The following SASH1 variants were observed in gnomAD, a reference collection of about 807,000 sequenced individuals.
SASH1 encodes the protein SAM and SH3 domain-containing protein 1.
SASH1 carries 44 observed loss-of-function variants against 125.2 expected under a neutral mutation model. The observed-to-expected ratio is 0.35, with a 90% CI of 0.28 to 0.45. The LOEUF is 0.45. Among genes scored for constraint, SASH1 ranks in the 20% least tolerant of loss-of-function variants. The pLI is 1.00. For missense variants in SASH1, 1,426 were observed against 1,614.5 expected (o/e 0.88, Z 2.00); for synonymous variants, 639 against 649.1 (o/e 0.98, Z 0.24).
At chr6:148,426,689 G>T (rs1333334712) in intron 2 of SASH1, among the ~76,000 whole-genome samples, 1 of 152,148 alleles carries the variant, frequency 6.6e-6, no homozygotes, top group Non-Finnish European at 1.5e-5. Context: ...TGACTTATGG[G>T]CTCAGTAACT....
intron 4 of SASH1, among the ~76,000 whole-genome samples, chr6:148,450,896 A>T (rs1018814074): frequency 6.6e-6 from 1 of 152,168 alleles, no homozygotes; most frequent in African/African-American, 2.4e-5. Flanking sequence ...ACTCTTGGGC[A>T]AGCCACTTGA....
At chr6:148,457,041 A>C (rs115052207) in intron 4 of SASH1, among the ~76,000 whole-genome samples, 2,192 of 150,322 alleles carry the variant, frequency 0.015, 52 homozygotes, top group African/African-American at 0.051. Flanking sequence ...TTTGATAATA[A>C]TTTAGTAATT....
At chr6:148,430,280 T>G (rs1776009426) in intron 2 of SASH1, among the ~76,000 whole-genome samples, 1 of 152,232 alleles carries the variant, frequency 6.6e-6, no homozygotes, top group Non-Finnish European at 1.5e-5. Flanking sequence ...GGGCTTCTTC[T>G]TCTGAAACGT....
chr6:148,538,822 G>A (rs1299513352), intron 16 of SASH1, among the ~76,000 whole-genome samples: 2 of 152,182 alleles, frequency 1.3e-5, no homozygotes, highest in Non-Finnish European at 2.9e-5. Context: ...GGTGGGGGAT[G>A]AAAAGAAAGG....
In SASH1 at chr6:148,416,763, T is replaced by G. The variant is rs146175565; in HGVS notation, c.286-23421T>G. Among the ~76,000 whole-genome samples, 489 of 152,278 alleles carry G rather than the reference T, an allele frequency of 3.2e-3. 4 individuals are homozygous for G. The highest frequency in any genetic ancestry group is 2.6e-3 in the Non-Finnish European group (175 of 68,036). ...TCTGCCCTGGAACACGGGGAATCAT[T>G]AAGTGAGATTCATTACCATTCTTAG... On this transcript the variant is annotated intron_variant, in intron 2 of 19. Transcript: ENST00000367467.
intron 4 of SASH1, among the ~76,000 whole-genome samples, chr6:148,446,103 T>TTTTTTTTTTTTTTTTTTTTTTC (rs1776764024): frequency 4.8e-5 from 1 of 20,688 alleles, no homozygotes. Context: ...TTTTTTTTTT[T>TTTTTTTTTTTTTTTTTTTTTTC]TTTTTTTTTT....
chr6:148,463,487 A>G (rs545328111), intron 4 of SASH1, among the ~76,000 whole-genome samples: 2 of 152,264 alleles, frequency 1.3e-5, no homozygotes, highest in East Asian at 3.9e-4. Flanking sequence ...TTCTAACCAG[A>G]AAGGTAAAGG....
the SASH1 span, among the ~76,000 whole-genome samples, chr6:148,220,685 C>G: frequency 7.0e-4 from 106 of 152,150 alleles, no homozygotes; most frequent in Non-Finnish European, 1.2e-3. Context: ...GAGGCTGAGG[C>G]AGGCAGATTG....
rs1353303821 is a variant in SASH1 at position 148,419,353 on chromosome 6, G to A, written c.286-20831G>A. Among the ~76,000 whole-genome samples, 8 of 152,316 alleles carry A rather than the reference G, an allele frequency of 5.3e-5. No homozygotes were observed. In the East Asian group the frequency reaches 1.2e-3, roughly 22 times the overall value. ...TATAGAATGAATGAAAAATTCAAGT[G>A]TTAGTGCTTTGAATTTGCATACGTT... On this transcript the variant is annotated intron_variant, in intron 2 of 19. Coordinates refer to ENST00000367467, the MANE Select transcript of SASH1 (RefSeq NM_015278.5).
chr6:148,493,266 AT>A (rs1779185401), intron 8 of SASH1, among the ~76,000 whole-genome samples: 1 of 152,188 alleles, frequency 6.6e-6, no homozygotes, highest in Non-Finnish European at 1.5e-5. Context: ...TAAGGTATAT[AT>A]ATGACCCTTG....
At chr6:148,511,815 G>C (rs1456988804) in intron 8 of SASH1, among the ~76,000 whole-genome samples, 1 of 151,804 alleles carries the variant, frequency 6.6e-6, no homozygotes, top group East Asian at 1.9e-4. Context: ...TAAAATTTTT[G>C]TATTAGTTTT....
chr6:148,522,656 C>T lies in SASH1; in HGVS notation c.1210-2635C>T, dbSNP rs370935420. ...GAATTCAACCCCAAAACATGTGTTT[C>T]CAACTGCATGGCCATTCCATTGACT... is the stretch of plus-strand genomic sequence containing the variant. On this transcript the variant is annotated intron_variant, in intron 10 of 19. Coordinates refer to ENST00000367467, the MANE Select transcript of SASH1 (RefSeq NM_015278.5). Among the ~76,000 whole-genome samples the T allele has an allele frequency of 5.1e-4, 78 of 152,340 alleles. 1 individual carries two copies. In the South Asian group the frequency reaches 0.016, roughly 30 times the overall value.
At chr6:148,205,001 T>C in the SASH1 span, among the ~76,000 whole-genome samples, 1 of 152,180 alleles carries the variant, frequency 6.6e-6, no homozygotes, top group African/African-American at 2.4e-5. Flanking sequence ...GATTGGGGTA[T>C]TATCTCTGTC....
At chr6:148,325,266 T>G (rs576171614) in intron 1 of SASH1, among the ~76,000 whole-genome samples, 2 of 151,336 alleles carry the variant, frequency 1.3e-5, no homozygotes, top group Admixed American at 1.3e-4. Context: ...CCTCTTTTGT[T>G]GTTGTTGTTG....
intron 2 of SASH1, among the ~76,000 whole-genome samples, chr6:148,412,852 A>G (rs754856974): frequency 2.0e-5 from 3 of 152,194 alleles, no homozygotes; most frequent in Non-Finnish European, 4.4e-5. Flanking sequence ...ATACAGAGAA[A>G]GGGTCATAGG....
chr6:148,360,198 C>A (rs1286893322), intron 1 of SASH1, among the ~76,000 whole-genome samples: 2 of 152,068 alleles, frequency 1.3e-5, no homozygotes, highest in Non-Finnish European at 2.9e-5. Context: ...GTGGACAGAA[C>A]AAGGGACGTC....
chr6:148,307,205 G>T (rs898251769), intron 1 of SASH1, among the ~76,000 whole-genome samples: 7 of 151,610 alleles, frequency 4.6e-5, no homozygotes, highest in African/African-American at 7.3e-5. Flanking sequence ...TGCAACCTCC[G>T]CCTCCCAGGT....
chr6:148,233,701 C>G, the SASH1 span, among the ~76,000 whole-genome samples: 3 of 130,058 alleles, frequency 2.3e-5, no homozygotes, highest in African/African-American at 9.3e-5. Flanking sequence ...TTGAGACCAG[C>G]TTAGGCAACA....
chr6:148,464,101 C>T (rs190681347), intron 4 of SASH1, among the ~76,000 whole-genome samples: 1 of 152,158 alleles, frequency 6.6e-6, no homozygotes, highest in African/African-American at 2.4e-5. Context: ...GGGATACTGT[C>T]TCTTAAATTA....
Sources: allele counts gnomAD v4.1 joint callset (sites outside exome capture counted in the v4.1 genomes callset), GRCh38; gene constraint gnomAD v4.1.1; transcripts MANE v1.5; gene names NCBI Gene and HGNC (gene_info 2026-07-23, HGNC 2026-07-21).